Variants in RELN observed in about 807,000 individuals in gnomAD.
RELN encodes reelin.
RELN carries 108 observed loss-of-function variants against 427.6 expected under a neutral mutation model. The ratio of observed to expected loss-of-function variants is 0.25; its 90% CI spans 0.22 to 0.30. The LOEUF (loss-of-function observed/expected upper bound fraction) is 0.30, where lower values mean the gene tolerates loss of function less well. Among genes scored for constraint, RELN ranks in the 10% least tolerant of loss-of-function variants. The pLI is 1.00. For synonymous variants in RELN, 1,524 were observed against 1,513.4 expected, an observed-to-expected ratio of 1.01 and a Z score of -0.16; for missense variants, 3,715 against 4,302.8, an observed-to-expected ratio of 0.86 and a Z score of 3.82.
rs530312999 is a variant in RELN at position 103,603,986 on chromosome 7, CTTGAACTTCTG to C, written c.3146+349_3146+359del. On this transcript the variant is annotated intron_variant, in intron 23 of 64. Coordinates refer to ENST00000428762, the MANE Select transcript of RELN (RefSeq NM_005045.4). This position sits in a 1 kb window ranked among gnomAD's most constrained non-coding sequence, Gnocchi z 4.3. ...ATCACCATCTCCCCATGTATACAAC[CTTGAACTTCTG>C]GTGAAGTGGTGTAAGAGGGCATGCA... Among the ~76,000 whole-genome samples the C allele has an allele frequency of 2.7e-4, 41 of 152,092 alleles. No homozygotes were observed. Among genetic ancestry groups the C allele is most frequent in the African/African-American group, 9.6e-4 (40 of 41,516 alleles).
chr7:103,535,311 C>T lies in RELN; in HGVS notation c.7349+5G>A, dbSNP rs1239765564. 1.2e-6 allele frequency: 2 copies of T among 1,613,744 alleles called. No homozygotes were observed. The highest frequency in any genetic ancestry group is 2.2e-5 in the East Asian group (1 of 44,872). On this transcript the variant is annotated splice_donor_5th_base_variant and intron_variant, in intron 46 of 64. Coordinates refer to ENST00000428762, the MANE Select transcript of RELN (RefSeq NM_005045.4). ...CATGTGGTGAACATGTAGAAGCATT[C>T]TTACCTGGTATAAGGAGGGAGAGGC...
At chr7:103,765,277 A>G (rs557134840) in intron 4 of RELN, among the ~76,000 whole-genome samples, 27 of 152,248 alleles carry the variant, frequency 1.8e-4, no homozygotes, top group African/African-American at 6.5e-4. Context: ...TGAGAGGAAC[A>G]CCATTCCACT....
At chr7:103,773,134 T>TTCTTTCTTTCTTTCTTTCTTTCTTTCTC in intron 4 of RELN, among the ~76,000 whole-genome samples, 1 of 98,514 alleles carries the variant, frequency 1.0e-5, no homozygotes, top group South Asian at 3.9e-4. Context: ...CTTTCTTTCT[T>TTCTTTCTTTCTTTCTTTCTTTCTTTCTC]TCTTTCTTTC....
chr7:103,927,938 C>T (rs950112665), intron 1 of RELN, among the ~76,000 whole-genome samples: 1 of 152,102 alleles, frequency 6.6e-6, no homozygotes, highest in Non-Finnish European at 1.5e-5. Context: ...TTTAGTATTC[C>T]TCATTTTCTG....
intron 1 of RELN, among the ~76,000 whole-genome samples, chr7:103,926,403 T>C (rs1275675458): frequency 2.0e-5 from 3 of 152,032 alleles, no homozygotes; most frequent in Non-Finnish European, 4.4e-5. Context: ...CAGCTTTTGA[T>C]TGTAGTTCAA....
chr7:103,493,074 G>A (rs926209212), intron 57 of RELN, among the ~76,000 whole-genome samples: 3 of 152,218 alleles, frequency 2.0e-5, no homozygotes, highest in African/African-American at 7.2e-5. Context: ...AAAGGTTTCT[G>A]TGGAATGATG....
At chr7:103,780,288 T>C (rs1386135020) in intron 3 of RELN, among the ~76,000 whole-genome samples, 1 of 152,220 alleles carries the variant, frequency 6.6e-6, no homozygotes, top group East Asian at 1.9e-4. Context: ...TAAGACAAGA[T>C]ACATTAAATG....
chr7:103,478,276 A>G, intron 64 of RELN, 113 bp downstream of exon 64: 2 of 573,490 alleles, frequency 3.5e-6, no homozygotes, highest in South Asian at 2.1e-5. Context: ...GTTTTCATAG[A>G]TTTTTTTTTT....
chr7:103,652,618 A>G lies in RELN; in HGVS notation c.1696T>C (p.Ser566Pro), dbSNP rs200058688. The change falls in exon 14 of 65, where the codon TCT (serine) becomes CCT (proline). Residue 566 changes from serine (S) to proline (P), a missense_variant. By Grantham distance (74) the Ser-to-Pro change is moderately conservative. Coordinates refer to ENST00000428762, the MANE Select transcript of RELN (RefSeq NM_005045.4). ...DFFHVLPVLP[S>P]TMSHMIQFSI... ...AACTGTATCATGTGAGACATTGTAG[A>G]AGGGAGAACAGGCAAGACATGGAAA... The G allele has an allele frequency of 6.2e-6, 10 of 1,612,948 alleles. No individual in the cohort carries two copies. The highest frequency in any genetic ancestry group is 6.8e-6 in the Non-Finnish European group (8 of 1,179,294).
chr7:103,916,560 T>C (rs73712294), intron 2 of RELN, among the ~76,000 whole-genome samples: 3,144 of 152,268 alleles, frequency 0.021, 107 homozygotes, highest in African/African-American at 0.071. Flanking sequence ...AGGACAGGTC[T>C]CTGATTTAAG....
intron 2 of RELN, among the ~76,000 whole-genome samples, chr7:103,904,975 C>CTTTTTTTTTTTTTTT (rs67024941): frequency 6.5e-5 from 5 of 77,362 alleles, no homozygotes; most frequent in East Asian, 4.5e-4. Context: ...AAGTTCTTTC[C>CTTTTTTTTTTTTTTT]TTTTTTTTTT....
intron 58 of RELN, among the ~76,000 whole-genome samples, chr7:103,491,611 C>T (rs1828653079): frequency 6.6e-6 from 1 of 152,012 alleles, no homozygotes; most frequent in Admixed American, 6.6e-5. Context: ...AGGCGGATCA[C>T]CTGAGGTCGG....
At chr7:103,591,527 A>G (rs1475514007) in intron 27 of RELN, among the ~76,000 whole-genome samples, 2 of 152,226 alleles carry the variant, frequency 1.3e-5, no homozygotes, top group East Asian at 3.8e-4. Flanking sequence ...ATCCAAGTTT[A>G]TATAGTAAAA....
At chr7:103,977,033 G>A (rs927545694) in intron 1 of RELN, among the ~76,000 whole-genome samples, 1 of 151,870 alleles carries the variant, frequency 6.6e-6, no homozygotes, top group Non-Finnish European at 1.5e-5. Context: ...TGGCAGTGCC[G>A]GGCGTGGGAA....
At chr7:103,835,309 A>G (rs1793373002) in intron 2 of RELN, among the ~76,000 whole-genome samples, 1 of 152,222 alleles carries the variant, frequency 6.6e-6, no homozygotes, top group African/African-American at 2.4e-5. Context: ...TAGGATGAAC[A>G]GAAAGGGCAC....
intron 1 of RELN, among the ~76,000 whole-genome samples, chr7:103,985,529 G>A (rs1214659345): frequency 6.6e-6 from 1 of 152,174 alleles, no homozygotes; most frequent in Non-Finnish European, 1.5e-5. Context: ...AACCTTGTGA[G>A]GGGCAGTTCC....
At chr7:103,676,600 T>C (rs553110829) in intron 11 of RELN, among the ~76,000 whole-genome samples, 4 of 152,388 alleles carry the variant, frequency 2.6e-5, no homozygotes, top group African/African-American at 7.2e-5. Flanking sequence ...CGTATGTTTA[T>C]TGAGGCACTA....
intron 3 of RELN, among the ~76,000 whole-genome samples, chr7:103,819,554 T>C (rs1003790446): frequency 5.9e-5 from 9 of 152,262 alleles, no homozygotes; most frequent in East Asian, 1.9e-4. Context: ...TCAAGAGAAG[T>C]CTCTGATTCC....
chr7:103,972,611 A>G (rs1254814551), intron 1 of RELN, among the ~76,000 whole-genome samples: 1 of 151,974 alleles, frequency 6.6e-6, no homozygotes, highest in Non-Finnish European at 1.5e-5. Context: ...TCTGTTTGGA[A>G]TAGAGGGGCC....
Sources: allele counts gnomAD v4.1 joint callset (sites outside exome capture counted in the v4.1 genomes callset), GRCh38; gene constraint gnomAD v4.1.1; non-coding constraint Gnocchi (gnomAD v3.1); transcripts MANE v1.5; gene names NCBI Gene and HGNC (gene_info 2026-07-23, HGNC 2026-07-21).